Variants in SOX5 observed in about 807,000 individuals in gnomAD.
The protein encoded by SOX5 is SRY-box transcription factor 5, also known as transcription factor SOX-5.
Under a neutral mutation model 92.0 loss-of-function variants are expected in SOX5, and 9 were observed. The observed-to-expected ratio is 0.10, with a 90% CI of 0.06 to 0.17. The LOEUF (loss-of-function observed/expected upper bound fraction) is 0.17, where lower values mean the gene tolerates loss of function less well. Ranked by LOEUF, SOX5 falls within the 10% of genes least tolerant of loss-of-function variation. The pLI is 1.00. For synonymous variants in SOX5, 344 were observed against 336.3 expected (o/e 1.02, Z -0.25); for missense variants, 642 against 944.5 (o/e 0.68, Z 4.20).
At chr12:23,596,514 A>G (rs1157313709) in intron 9 of SOX5, among the ~76,000 whole-genome samples, 2 of 152,234 alleles carry the variant, frequency 1.3e-5, no homozygotes, top group Non-Finnish European at 2.9e-5. Flanking sequence ...CATTAAGAAT[A>G]GTCCTCCTTA....
intron 1 of SOX5, among the ~76,000 whole-genome samples, chr12:24,520,024 T>C (rs774278479): frequency 2.0e-5 from 3 of 151,162 alleles, no homozygotes; most frequent in Non-Finnish European, 4.4e-5. Flanking sequence ...TGAAACAATA[T>C]ATTCAAGTAC....
chr12:23,726,639 A>C, intron 6 of SOX5, among the ~76,000 whole-genome samples: 1 of 152,158 alleles, frequency 6.6e-6, no homozygotes, highest in South Asian at 2.1e-4. Flanking sequence ...GATAGTCCCT[A>C]TTTTGTTAAG....
At chr12:24,282,167 C>T (rs1018158246) in intron 2 of SOX5, among the ~76,000 whole-genome samples, 4 of 151,902 alleles carry the variant, frequency 2.6e-5, no homozygotes, top group Admixed American at 6.6e-5. Flanking sequence ...TCAATAAATG[C>T]GATATCTTTA....
intron 6 of SOX5, among the ~76,000 whole-genome samples, chr12:23,704,054 G>T (rs1047015538): frequency 6.9e-4 from 105 of 151,820 alleles, no homozygotes; most frequent in African/African-American, 2.3e-3. Flanking sequence ...TACTATAACA[G>T]CAGTAGACAG....
At chr12:24,526,170 T>A (rs1205166576) in intron 1 of SOX5, among the ~76,000 whole-genome samples, 8 of 151,918 alleles carry the variant, frequency 5.3e-5, no homozygotes, top group Non-Finnish European at 1.2e-4. Context: ...AGGAAAAAAA[T>A]TAAACAATTT....
At chr12:23,987,771 C>T (rs575492944) in intron 4 of SOX5, among the ~76,000 whole-genome samples, 5 of 152,188 alleles carry the variant, frequency 3.3e-5, no homozygotes, top group South Asian at 4.1e-4. Context: ...CCAGCCTGGG[C>T]GACAGAGCTA....
In SOX5 at chr12:23,783,870, T is replaced by C. The variant is rs575643653; in HGVS notation, c.482-28146A>G. Among the ~76,000 whole-genome samples, 5 of 152,282 alleles carry C rather than the reference T, an allele frequency of 3.3e-5. No homozygotes were observed. In the East Asian group the frequency reaches 7.7e-4, roughly 24 times the overall value. On this transcript the variant is annotated intron_variant, in intron 3 of 14. Transcript: ENST00000451604. ...ATTTACCACGTAGATTCCCAGACAT[T>C]GGACAAGTGTCTGGGAATCTGGCAA...
At chr12:23,736,491 C>T (rs1223384773) in intron 5 of SOX5, among the ~76,000 whole-genome samples, 4 of 151,828 alleles carry the variant, frequency 2.6e-5, no homozygotes, top group African/African-American at 9.7e-5. Flanking sequence ...ATCTCTTAAC[C>T]TCTATACCTG....
At chr12:23,922,269 A>C (rs1423296467) in intron 1 of SOX5, among the ~76,000 whole-genome samples, 2 of 152,226 alleles carry the variant, frequency 1.3e-5, no homozygotes, top group Non-Finnish European at 2.9e-5. Context: ...AAGAAAAACA[A>C]AATAATAGGA....
intron 1 of SOX5, among the ~76,000 whole-genome samples, chr12:23,921,479 T>A (rs547188463): frequency 6.6e-6 from 1 of 152,292 alleles, no homozygotes; most frequent in Non-Finnish European, 1.5e-5. Context: ...TTGGGGTCTC[T>A]GTTTTTACAC....
intron 2 of SOX5, among the ~76,000 whole-genome samples, chr12:23,880,521 C>T (rs2096976525): frequency 1.3e-5 from 2 of 152,142 alleles, no homozygotes; most frequent in Admixed American, 1.3e-4. Context: ...ATATCTGCAT[C>T]CTGAAGAGGG....
intron 11 of SOX5, among the ~76,000 whole-genome samples, chr12:23,547,559 T>C (rs1943380511): frequency 6.6e-6 from 1 of 152,124 alleles, no homozygotes; most frequent in Admixed American, 6.6e-5. Flanking sequence ...ATTGAAATTC[T>C]TAACACAGTA....
intron 1 of SOX5, among the ~76,000 whole-genome samples, chr12:24,500,848 CAAT>C (rs2138125081): frequency 6.6e-6 from 1 of 152,154 alleles, no homozygotes; most frequent in Admixed American, 6.5e-5. Context: ...AAAGGAAAGA[CAAT>C]AATAAAGCTA....
In SOX5 at chr12:24,051,836, G is replaced by C. The variant is rs528259221; in HGVS notation, c.-1-155812C>G. ...CCACATTACTTGCAAACTAGGACATGTTTACTGTCTCTTCTTAGTAATCTG... is the reference window on the plus strand; with the variant it reads ...CCACATTACTTGCAAACTAGGACATCTTTACTGTCTCTTCTTAGTAATCTG... On this transcript the variant is annotated intron_variant, in intron 4 of 4. Transcript: ENST00000446891. 1.1e-3 allele frequency among the ~76,000 whole-genome samples: 169 copies of C among 152,278 alleles called. No homozygotes were observed. The Middle Eastern group carries it at 0.014, about 12-fold the overall frequency.
chr12:23,962,917 GA>G (rs550747026), intron 4 of SOX5, among the ~76,000 whole-genome samples: 6 of 151,938 alleles, frequency 3.9e-5, no homozygotes, highest in Admixed American at 6.5e-5. Flanking sequence ...TTGATTCACT[GA>G]AAAAAACCCC....
chr12:24,280,214 C>T (rs986984044), intron 2 of SOX5, among the ~76,000 whole-genome samples: 1 of 152,182 alleles, frequency 6.6e-6, no homozygotes, highest in Non-Finnish European at 1.5e-5. Context: ...ACTTTGGTGA[C>T]ATGCTGCAGA....
chr12:24,429,625 T>TACACACACACACACAC (rs148679940), intron 1 of SOX5, among the ~76,000 whole-genome samples: 3 of 140,704 alleles, frequency 2.1e-5, no homozygotes, highest in African/African-American at 7.9e-5. Flanking sequence ...CACACACACA[T>TACACACACACACACAC]ACACACACAC....
At chr12:24,228,662 G>A (rs1037315401) in intron 3 of SOX5, among the ~76,000 whole-genome samples, 5 of 151,422 alleles carry the variant, frequency 3.3e-5, no homozygotes, top group Admixed American at 6.6e-5. Context: ...GTGTGTGTGC[G>A]TGTGTGTGCG....
At chr12:23,776,899 G>C (rs2095121127) in intron 3 of SOX5, among the ~76,000 whole-genome samples, 1 of 152,104 alleles carries the variant, frequency 6.6e-6, no homozygotes. Flanking sequence ...CCAGGGGTTG[G>C]GGACCCCTGA....
Sources: allele counts gnomAD v4.1 joint callset (sites outside exome capture counted in the v4.1 genomes callset), GRCh38; gene constraint gnomAD v4.1.1; transcripts MANE v1.5; gene names NCBI Gene and HGNC (gene_info 2026-07-23, HGNC 2026-07-21).